AFG1L: variants seen among roughly 807,000 people sequenced by gnomAD.
The protein encoded by AFG1L is AFG1 like ATPase, also known as AFG1-like ATPase.
AFG1L carries 53 observed loss-of-function variants against 62.2 expected under a neutral mutation model. The ratio of observed to expected loss-of-function variants is 0.85; its 90% CI spans 0.68 to 1.07. AFG1L has a LOEUF of 1.07. AFG1L is among the 50% of genes least tolerant of loss of function. The probability of loss-of-function intolerance (pLI) is 0.00; values close to 1 mark genes in which losing one functional copy is unlikely to be tolerated. For synonymous variants in AFG1L, 228 were observed against 210.3 expected (o/e 1.08, Z -0.73); for missense variants, 555 against 590.5 (o/e 0.94, Z 0.62).
chr6:108,488,900 C>G (rs545141252), intron 10 of AFG1L, among the ~76,000 whole-genome samples: 1 of 152,134 alleles, frequency 6.6e-6, no homozygotes, highest in South Asian at 2.1e-4. Context: ...AGAGTATATT[C>G]AGAGAACTAC....
At chr6:108,466,546 G>A (rs1051684153) in intron 8 of AFG1L, among the ~76,000 whole-genome samples, 3 of 151,866 alleles carry the variant, frequency 2.0e-5, no homozygotes, top group African/African-American at 4.8e-5. Context: ...TAGGACTGGT[G>A]TTCTCATAAG....
chr6:108,472,877 C>T (rs2114805510), intron 8 of AFG1L, among the ~76,000 whole-genome samples: 1 of 151,456 alleles, frequency 6.6e-6, no homozygotes, highest in East Asian at 1.9e-4. Flanking sequence ...GATCTTGGGT[C>T]ACTGCATCCT....
At chr6:108,519,446 T>C (rs1775035777) in intron 11 of AFG1L, among the ~76,000 whole-genome samples, 1 of 152,122 alleles carries the variant, frequency 6.6e-6, no homozygotes, top group Non-Finnish European at 1.5e-5. Flanking sequence ...AGCCCTGAAG[T>C]CTCCCAATAA....
At position 108,522,599 on chromosome 6, in the gene AFG1L, A is replaced by T; in HGVS notation, c.*174A>T. The T allele has an allele frequency of 1.8e-6, 1 of 551,132 alleles. No homozygotes were observed. The highest frequency in any genetic ancestry group is 1.9e-5 in the African/African-American group (1 of 52,260). The allele number at this position is 551,132 out of a possible 1,614,324, so 34.1% of individuals were successfully genotyped here. A position where few individuals can be genotyped will look rare whatever the true frequency, so the allele number is the denominator to read the frequency against. On this transcript the variant is annotated 3_prime_UTR_variant, in exon 13 of 13. Transcript: ENST00000368977. Reference sequence around the variant, plus strand: ...AGTGGATTAGTAAGTTAAACACTTAACATTTTTTAGGTCTGCTTTTTCTTA... The same window carrying T: ...AGTGGATTAGTAAGTTAAACACTTATCATTTTTTAGGTCTGCTTTTTCTTA...
At chr6:108,457,480 G>A (rs1490327666) in intron 8 of AFG1L, among the ~76,000 whole-genome samples, 13 of 151,090 alleles carry the variant, frequency 8.6e-5, no homozygotes, top group Admixed American at 8.6e-4. Flanking sequence ...CGGGCTTTGT[G>A]CTTTTATTGT....
At chr6:108,447,417 T>G (rs1582602403) in intron 8 of AFG1L, 121 bp downstream of exon 8, 1 of 583,868 alleles carries the variant, frequency 1.7e-6, no homozygotes, top group East Asian at 3.0e-5. Flanking sequence ...ATTTTTAAAT[T>G]GCAAATGTTC....
intron 8 of AFG1L, among the ~76,000 whole-genome samples, chr6:108,452,053 C>T (rs1438483996): frequency 6.6e-6 from 1 of 152,180 alleles, no homozygotes; most frequent in Non-Finnish European, 1.5e-5. Context: ...GAATAGCACT[C>T]AACAAGGTCC....
chr6:108,378,033 C>CT lies in AFG1L; in HGVS notation c.748+11715dup, dbSNP rs1312888746. Among the ~76,000 whole-genome samples, 367 of 134,466 alleles carry CT rather than the reference C, an allele frequency of 2.7e-3. 1 individual carries two copies. The highest frequency in any genetic ancestry group is 7.2e-3 in the East Asian group (33 of 4,570). 88.2% of individuals were successfully genotyped at this position (134,466 alleles called of 152,430 possible). ...ATTTTACTTATTTTTAAAAATTCTT[C>CT]TTTTTTTTTTTTTTGGTCAGATTGG... On this transcript the variant is annotated intron_variant, in intron 6 of 12. Coordinates refer to ENST00000368977, the MANE Select transcript of AFG1L (RefSeq NM_145315.5).
chr6:108,525,049 G>A lies in AFG1L; in HGVS notation c.*2624G>A, dbSNP rs1275560671. 2 of 152,154 alleles carry A rather than the reference G, an allele frequency of 1.3e-5. No individual in the cohort carries two copies. The highest frequency in any genetic ancestry group is 1.3e-4 in the Admixed American group (2 of 15,276). The allele number at this position is 152,154 out of a possible 1,614,324, so 9.4% of individuals were successfully genotyped here. ...GCTCTTTTTTTGAAATGCTTTAAAT[G>A]TATACTTTGAGACGGAGGTTTGAGC... On this transcript the variant is annotated 3_prime_UTR_variant, in exon 13 of 13. Transcript: ENST00000368977.
chr6:108,376,911 G>A (rs1046875352), intron 6 of AFG1L, among the ~76,000 whole-genome samples: 3 of 152,078 alleles, frequency 2.0e-5, no homozygotes, highest in African/African-American at 7.2e-5. Flanking sequence ...TATGAATCTG[G>A]ATGCTCCGAT....
chr6:108,331,869 C>T (rs1422827713), intron 2 of AFG1L, among the ~76,000 whole-genome samples: 1 of 152,154 alleles, frequency 6.6e-6, no homozygotes, highest in Non-Finnish European at 1.5e-5. Flanking sequence ...TGGGAGGAGA[C>T]ATCGTAGCCC....
At chr6:108,319,759 C>T in intron 1 of AFG1L, 1 of 435,900 alleles carries the variant, frequency 2.3e-6, no homozygotes, top group South Asian at 1.6e-5. Context: ...CAGATGTGTG[C>T]CACTCCACCC....
At chr6:108,379,530 G>C (rs1238114018) in intron 6 of AFG1L, among the ~76,000 whole-genome samples, 1 of 152,212 alleles carries the variant, frequency 6.6e-6, no homozygotes, top group African/African-American at 2.4e-5. Context: ...TGGTGACAGG[G>C]GTTGGGAGGG....
chr6:108,329,423 C>T (rs571288288), intron 2 of AFG1L, among the ~76,000 whole-genome samples: 137 of 152,086 alleles, frequency 9.0e-4, no homozygotes, highest in African/African-American at 3.3e-3. Flanking sequence ...CTCGGCCTCC[C>T]GAGTAGCTGG....
In AFG1L at chr6:108,349,178, A is replaced by C. The variant is rs1778979118; in HGVS notation, c.415+2139A>C. Among the ~76,000 whole-genome samples, 2 of 152,150 alleles carry C rather than the reference A, an allele frequency of 1.3e-5. 1 individual carries two copies. The highest frequency in any genetic ancestry group is 4.1e-4 in the South Asian group (2 of 4,834). Reference sequence around the variant, plus strand: ...TTGGTGGCTATAATAAGTTTAGTTCAGACCACTTATAAAATATGTAATCGG... The same window carrying C: ...TTGGTGGCTATAATAAGTTTAGTTCCGACCACTTATAAAATATGTAATCGG... On this transcript the variant is annotated intron_variant, in intron 3 of 12. Transcript: ENST00000368977.
intron 6 of AFG1L, among the ~76,000 whole-genome samples, chr6:108,372,236 AT>A (rs1186275469): frequency 6.7e-6 from 1 of 150,222 alleles, no homozygotes; most frequent in South Asian, 2.1e-4. Flanking sequence ...ATTTATTTTT[AT>A]TTTTTGCTAG....
chr6:108,336,584 G>A (rs1562092187), intron 2 of AFG1L, among the ~76,000 whole-genome samples: 2 of 152,078 alleles, frequency 1.3e-5, no homozygotes, highest in African/African-American at 2.4e-5. Context: ...CTTTTAGTTT[G>A]CAGTAAAGGA....
At chr6:108,343,005 A>T (rs1267850405) in intron 2 of AFG1L, among the ~76,000 whole-genome samples, 1 of 152,026 alleles carries the variant, frequency 6.6e-6, no homozygotes, top group Non-Finnish European at 1.5e-5. Flanking sequence ...AGTGCTCTTT[A>T]TAAAATATAT....
At chr6:108,456,173 T>G (rs1457773502) in intron 8 of AFG1L, among the ~76,000 whole-genome samples, 10 of 152,158 alleles carry the variant, frequency 6.6e-5, no homozygotes, top group Non-Finnish European at 1.3e-4. Flanking sequence ...GACCTCTTCA[T>G]AAGTATGAAA....
Sources: gnomAD v4.1 joint callset for allele counts (sites outside exome capture counted in the v4.1 genomes callset) on GRCh38, gnomAD v4.1.1 for gene constraint, MANE v1.5 for transcripts, NCBI Gene and HGNC (gene_info 2026-07-23, HGNC 2026-07-21) for gene names.